PPP1R12C: variants seen among roughly 807,000 people sequenced by gnomAD.
PPP1R12C encodes protein phosphatase 1 regulatory subunit 12C.
Under a neutral mutation model 95.6 loss-of-function variants are expected in PPP1R12C, and 48 were observed. The observed-to-expected ratio is 0.50, with a 90% CI of 0.40 to 0.64. The LOEUF (loss-of-function observed/expected upper bound fraction) is 0.64. Among genes scored for constraint, PPP1R12C ranks in the 30% least tolerant of loss-of-function variants. PPP1R12C has a pLI of 0.00. For synonymous variants in PPP1R12C, 480 were observed against 460.8 expected (o/e 1.04, Z -0.53); for missense variants, 1,057 against 1,083.3 (o/e 0.98, Z 0.34).
chr19:55,098,584 C>A (rs550841522), intron 6 of PPP1R12C, among the ~76,000 whole-genome samples, 200 bp downstream of exon 6: 77 of 152,394 alleles, frequency 5.1e-4, no homozygotes, highest in Non-Finnish European at 9.1e-4. Context: ...AGGCAGGAAG[C>A]TCTGCAGCCC....
Position 55,117,509 on chromosome 19 carries a change from C to G in PPP1R12C, c.35G>C (p.Gly12Ala). 9.7e-7 allele frequency: 1 copy of G among 1,027,296 alleles called. No homozygotes were observed. Among genetic ancestry groups the G allele is most frequent in the Non-Finnish European group, 1.2e-6 (1 of 857,538 alleles). The allele number at this position is 1,027,296 out of a possible 1,614,324, so 63.6% of individuals were successfully genotyped here. Residue 12 changes from glycine to alanine, a missense_variant, in exon 1 of 22, where the codon GGG becomes GCG. Physicochemically the swap from Gly to Ala is moderately conservative, Grantham distance 60. Around this residue, in one of 5 missense-constraint regions of PPP1R12C, gnomAD observed 70 missense variants for 47.8 expected, o/e 1.46. Transcript: ENST00000263433. ...CTCCCGGGCAGCCGCCGCCGCCGCC[C>G]CCGGGCCAGCCGCCGGGCCATCCTC... ...SGEDGPAAGPGAAAAAARERR... is the reference protein window; with the variant it reads ...SGEDGPAAGPAAAAAAARERR...
intron 1 of PPP1R12C, among the ~76,000 whole-genome samples, chr19:55,116,206 G>C (rs2085151633): frequency 6.6e-6 from 1 of 152,122 alleles, no homozygotes; most frequent in Non-Finnish European, 1.5e-5. Context: ...GACATCCGTC[G>C]GAGAAGGCCA....
At chr19:55,104,199 T>TATATATATATATACACAC (rs34075382) in intron 3 of PPP1R12C, among the ~76,000 whole-genome samples, 4 of 120,044 alleles carry the variant, frequency 3.3e-5, no homozygotes, top group African/African-American at 1.1e-4. Flanking sequence ...TATATATATA[T>TATATATATATATACACAC]ACACACACAC....
chr19:55,103,120 G>A (rs1237131293), intron 4 of PPP1R12C, among the ~76,000 whole-genome samples: 1 of 152,160 alleles, frequency 6.6e-6, no homozygotes, highest in Non-Finnish European at 1.5e-5. Context: ...CTGAGCCTGG[G>A]GAGTTTGAGG....
At chr19:55,096,362 G>C (rs749764655) in intron 6 of PPP1R12C, 27 bp from the exon 7 acceptor site, 4 of 1,608,912 alleles carry the variant, frequency 2.5e-6, no homozygotes, top group Non-Finnish European at 1.7e-6. Flanking sequence ...GGGCTGCAGG[G>C]GAGGGGTGGA....
intron 6 of PPP1R12C, among the ~76,000 whole-genome samples, chr19:55,097,451 G>A (rs113157494): frequency 1.0e-5 from 1 of 98,286 alleles, no homozygotes; most frequent in African/African-American, 5.2e-5. Flanking sequence ...CCCCTTCTCC[G>A]CGCAGTTCAC....
rs1410730327 is a variant in PPP1R12C, at chr19:55,095,371, G to A, written c.1387-13C>T. 7.6e-6 allele frequency: 12 copies of A among 1,585,832 alleles called. No individual in the cohort carries two copies. Among genetic ancestry groups the A allele is most frequent in the Non-Finnish European group, 1.0e-5 (12 of 1,166,268 alleles). On this transcript the variant is annotated splice_polypyrimidine_tract_variant and intron_variant, in intron 10 of 21. Transcript: ENST00000263433. ...GGAGCTCCTTGGCCTGTGTGGAGAG[G>A]AGAAGGGGAGGAAGGGGCAGTTCCC...
At chr19:55,103,995 C>CACA (rs1555850658) in intron 3 of PPP1R12C, among the ~76,000 whole-genome samples, 13 of 118,704 alleles carry the variant, frequency 1.1e-4, no homozygotes, top group Non-Finnish European at 1.9e-4. Context: ...ACTAAAACTA[C>CACA]AAAAAAAAAA....
chr19:55,099,209 G>A (rs2147191217), intron 4 of PPP1R12C, 114 bp from the exon 5 acceptor site: 2 of 1,261,170 alleles, frequency 1.6e-6, no homozygotes, highest in African/African-American at 3.0e-5. Flanking sequence ...AAACGTCCCT[G>A]GACAGGCTGG....
chr19:55,098,890 G>GA (rs754961667), intron 5 of PPP1R12C, 32 bp from the exon 6 acceptor site: 1 of 1,612,710 alleles, frequency 6.2e-7, no homozygotes, highest in Non-Finnish European at 8.5e-7. Flanking sequence ...ATCAGACAAT[G>GA]AAGGAGGTGC....
chr19:55,092,408 C>A (rs370113953), intron 18 of PPP1R12C, 34 bp downstream of exon 18: 2 of 1,581,378 alleles, frequency 1.3e-6, no homozygotes, highest in African/African-American at 1.3e-5. Flanking sequence ...GGGCACCCAG[C>A]AGGCAAAGCC....
rs746830894 is a variant in PPP1R12C, at chr19:55,094,738, C to G, written c.1515G>C (p.Pro505=). 4 of 1,609,734 alleles carry G rather than the reference C, an allele frequency of 2.5e-6. No individual in the cohort carries two copies. The East Asian group carries it at 6.7e-5, about 27-fold the overall frequency. Residue 505 remains proline (P), a synonymous_variant, in exon 12 of 22, where the codon CCG becomes CCC. Transcript: ENST00000263433. ...TTGGCTTCGCTGGGGATTCAGGCTC[C>G]GGAATCCTGGAGGGAGGCGAGGAGT... is the stretch of plus-strand genomic sequence containing the variant. ...LENSSPPSRI[P]EPESPAKPNV... is the part of the protein sequence containing the mutation.
intron 1 of PPP1R12C, among the ~76,000 whole-genome samples, chr19:55,115,801 A>G (rs1043370282): frequency 6.6e-6 from 1 of 152,178 alleles, no homozygotes; most frequent in African/African-American, 2.4e-5. Context: ...AGATAAAAGT[A>G]CCCAGAACCA....
intron 3 of PPP1R12C, among the ~76,000 whole-genome samples, chr19:55,104,663 A>T (rs1165027666): frequency 6.6e-6 from 1 of 151,294 alleles, no homozygotes; most frequent in Non-Finnish European, 1.5e-5. Flanking sequence ...GCACCACTGC[A>T]CTCCAGCCTG....
Position 55,091,708 on chromosome 19 carries a change from G to A in PPP1R12C, c.2212-8C>T, listed in dbSNP as rs1415904755. Reference sequence around the variant, plus strand: ...TTCCAGGGCCCTGCGCTCCTGGAATGAACAGGGAAAGTGCAGAAACTGAGT... The same window carrying A: ...TTCCAGGGCCCTGCGCTCCTGGAATAAACAGGGAAAGTGCAGAAACTGAGT... On this transcript the variant is annotated splice_polypyrimidine_tract_variant and splice_region_variant and intron_variant, in intron 20 of 21. Transcript: ENST00000263433. 1 of 1,613,332 alleles carries A rather than the reference G, an allele frequency of 6.2e-7. No individual in the cohort carries two copies. Among genetic ancestry groups the A allele is most frequent in the Non-Finnish European group, 8.5e-7 (1 of 1,179,938 alleles).
At chr19:55,100,910 C>T (rs753613346) in intron 4 of PPP1R12C, among the ~76,000 whole-genome samples, 3 of 152,172 alleles carry the variant, frequency 2.0e-5, no homozygotes, top group Non-Finnish European at 4.4e-5. Flanking sequence ...CCACGCCCAG[C>T]CTGCAACAGA....
Position 55,091,716 on chromosome 19 carries a change from A to T in PPP1R12C, c.2212-16T>A. The stretch of plus-strand genomic sequence containing the variant: ...CCCTGCGCTCCTGGAATGAACAGGG[A>T]AAGTGCAGAAACTGAGTGAGGCTGA... On this transcript the variant is annotated splice_polypyrimidine_tract_variant and intron_variant, in intron 20 of 21. Transcript: ENST00000263433. 5.0e-6 allele frequency: 8 copies of T among 1,612,384 alleles called. No homozygotes were observed. The highest frequency in any genetic ancestry group is 2.2e-5 in the South Asian group (2 of 91,016).
At position 55,092,260 on chromosome 19, in the gene PPP1R12C, G is replaced by C; in HGVS notation, c.2122C>G (p.Leu708Val). The change falls in exon 19 of 22, where the codon CTG becomes GTG. Residue 708 changes from leucine to valine, a missense_variant. Physicochemically the swap from Leu to Val is conservative, Grantham distance 32 (BLOSUM62 1). Coordinates refer to ENST00000263433, the MANE Select transcript of PPP1R12C (RefSeq NM_017607.4). Reference sequence around the variant, plus strand: ...TCCAGCTCCACCTTGAGCTGCGCCAGCCGCAGCGTGGTCTCGGTCAGGGCC... The same window carrying C: ...TCCAGCTCCACCTTGAGCTGCGCCACCCGCAGCGTGGTCTCGGTCAGGGCC... ...REALTETTLR[L>V]AQLKVELERA... The C allele has an allele frequency of 6.3e-7, 1 of 1,596,572 alleles. No individual in the cohort carries two copies. Among genetic ancestry groups the C allele is most frequent in the Non-Finnish European group, 8.5e-7 (1 of 1,172,312 alleles).
chr19:55,113,002 G>A lies in PPP1R12C; in HGVS notation c.322-207C>T, dbSNP rs1014088217. The A allele has an allele frequency of 7.8e-6, 5 of 640,586 alleles. No individual in the cohort carries two copies. The African/African-American group carries it at 9.1e-5, about 12-fold the overall frequency. 39.7% of individuals were successfully genotyped at this position (640,586 alleles called of 1,614,324 possible). A position where few individuals can be genotyped will look rare whatever the true frequency, so the allele number is the denominator to read the frequency against. ...CCGGCCAGGCCTTCAGTGCTCAGTG[G>A]AAACCACGAAAGGACTCCTGGCTAT... On this transcript the variant is annotated intron_variant, in intron 1 of 21. Transcript: ENST00000263433.
Sources: allele counts gnomAD v4.1 joint callset (sites outside exome capture counted in the v4.1 genomes callset), GRCh38; gene constraint gnomAD v4.1.1; regional missense constraint gnomAD v4.1.1; transcripts MANE v1.5; gene names NCBI Gene and HGNC (gene_info 2026-07-23, HGNC 2026-07-21).